The following TIAM1 variants were observed in gnomAD, a reference collection of about 807,000 sequenced individuals.
The protein encoded by TIAM1 is TIAM Rac1 associated GEF 1.
In TIAM1, 65 loss-of-function variants were observed where a neutral mutation model predicts 163.5. The ratio of observed to expected loss-of-function variants is 0.40; its 90% confidence interval spans 0.33 to 0.49. The LOEUF is 0.49. TIAM1 is among the 20% of genes least tolerant of loss of function. The pLI is 0.77. For synonymous variants in TIAM1, 833 were observed against 810.1 expected, an observed-to-expected ratio of 1.03 and a Z score of -0.48; for missense variants, 1,789 against 2,044.7, an observed-to-expected ratio of 0.87 and a Z score of 2.41.
intron 2 of TIAM1, among the ~76,000 whole-genome samples, chr21:31,374,237 G>A (rs576671150): frequency 6.6e-6 from 1 of 152,214 alleles, no homozygotes; most frequent in Non-Finnish European, 1.5e-5. Context: ...GCAGCGGGCA[G>A]GGGGCGATCC....
chr21:31,340,502 C>T (rs1331278431), intron 1 of TIAM1, among the ~76,000 whole-genome samples: 2 of 152,152 alleles, frequency 1.3e-5, no homozygotes, highest in Admixed American at 6.5e-5. Context: ...TCACCAGCAT[C>T]GTCTATCTTC....
At chr21:31,146,117 A>G (rs1184845872) in intron 20 of TIAM1, among the ~76,000 whole-genome samples, 1 of 152,178 alleles carries the variant, frequency 6.6e-6, no homozygotes, top group Non-Finnish European at 1.5e-5. Flanking sequence ...CCAAATAGCA[A>G]GGTAAAACTT....
intron 16 of TIAM1, among the ~76,000 whole-genome samples, chr21:31,161,617 A>G (rs1488441301): frequency 6.6e-6 from 1 of 152,234 alleles, no homozygotes; most frequent in South Asian, 2.1e-4. Context: ...ATGCTGACCG[A>G]TATCATGTAA....
chr21:31,234,490 C>G (rs914244200), intron 6 of TIAM1, among the ~76,000 whole-genome samples: 1 of 152,000 alleles, frequency 6.6e-6, no homozygotes, highest in Non-Finnish European at 1.5e-5. Context: ...TATGAAGGAT[C>G]AGAACACCAG....
chr21:31,425,502 T>C (rs2043751121), intron 2 of TIAM1, among the ~76,000 whole-genome samples: 1 of 152,122 alleles, frequency 6.6e-6, no homozygotes, highest in Admixed American at 6.5e-5. Context: ...ACTAGGGATC[T>C]TGAGATTCTG....
At chr21:31,378,066 G>A (rs1043958248) in intron 2 of TIAM1, among the ~76,000 whole-genome samples, 2 of 150,628 alleles carry the variant, frequency 1.3e-5, no homozygotes, top group Non-Finnish European at 2.9e-5. Context: ...AACCTGGGAG[G>A]TGGAGGTTGC....
At chr21:31,449,337 C>T (rs1460943727) in intron 2 of TIAM1, among the ~76,000 whole-genome samples, 1 of 151,736 alleles carries the variant, frequency 6.6e-6, no homozygotes, top group Non-Finnish European at 1.5e-5. Context: ...ATACTAGGTG[C>T]TCAAAAAAAC....
chr21:31,421,874 T>TA (rs910795629), intron 2 of TIAM1, among the ~76,000 whole-genome samples: 1 of 152,048 alleles, frequency 6.6e-6, no homozygotes, highest in African/African-American at 2.4e-5. Context: ...CCAGTACTCC[T>TA]AGCTACTCGC....
chr21:31,273,695 C>T (rs2073167793), intron 3 of TIAM1, among the ~76,000 whole-genome samples: 1 of 152,172 alleles, frequency 6.6e-6, no homozygotes, highest in African/African-American at 2.4e-5. Flanking sequence ...AAAATGCCCA[C>T]AATGCATTCC....
intron 4 of TIAM1, among the ~76,000 whole-genome samples, chr21:31,258,484 G>A (rs759152123): frequency 3.3e-5 from 5 of 152,232 alleles, no homozygotes; most frequent in Non-Finnish European, 5.9e-5. Flanking sequence ...GGATGCAATC[G>A]GAGTTCACTT....
upstream of TIAM1, chr21:31,344,327 TCCTCCTCCCACCATCACCTC>T (rs547605663): frequency 3.3e-5 from 5 of 152,168 alleles, no homozygotes; most frequent in East Asian, 7.7e-4. Context: ...GCTCCTCCCT[TCCTCCTCCCACCATCACCTC>T]CCTCCTCTCC....
chr21:31,123,776 T>C (rs1228937770), intron 27 of TIAM1, among the ~76,000 whole-genome samples: 1 of 152,204 alleles, frequency 6.6e-6, no homozygotes, highest in Non-Finnish European at 1.5e-5. Context: ...CTTGATGTCA[T>C]TAAGTCCCTA....
chr21:31,483,029 A>G (rs1480213660), intron 1 of TIAM1, among the ~76,000 whole-genome samples: 1 of 152,224 alleles, frequency 6.6e-6, no homozygotes, highest in Non-Finnish European at 1.5e-5. Flanking sequence ...CACAGCTGGT[A>G]AATGAAGGAC....
intron 1 of TIAM1, among the ~76,000 whole-genome samples, chr21:31,497,345 A>G (rs2046698397): frequency 6.6e-6 from 1 of 152,240 alleles, no homozygotes; most frequent in Admixed American, 6.5e-5. Flanking sequence ...TAATATCAAA[A>G]CAAATAGTTA....
intron 2 of TIAM1, among the ~76,000 whole-genome samples, chr21:31,424,352 T>C (rs991035315): frequency 6.6e-6 from 1 of 152,190 alleles, no homozygotes; most frequent in East Asian, 1.9e-4. Flanking sequence ...ATCACAGCTA[T>C]TCACAGAAGA....
At position 31,394,728 on chromosome 21, in the gene TIAM1, T is replaced by TCTCTCTCTCTCTCTCTCA. The variant is rs1279053911; in HGVS notation, c.-368-55307_-368-55306insTGAGAGAGAGAGAGAGAG. Among the ~76,000 whole-genome samples the TCTCTCTCTCTCTCTCTCA allele has an allele frequency of 1.4e-4, 13 of 95,724 alleles. 1 individual carries two copies. The highest frequency in any genetic ancestry group is 5.7e-4 in the Admixed American group (5 of 8,836). The allele number at this position is 95,724 out of a possible 152,430, so 62.8% of individuals were successfully genotyped here. A position where few individuals can be genotyped will look rare whatever the true frequency, so the allele number is the denominator to read the frequency against. On this transcript the variant is annotated intron_variant, in intron 2 of 28. Transcript: ENST00000286827. ...CTCTCGCTCTCTCTCTCTCTCTCTC[T>TCTCTCTCTCTCTCTCTCA]CACACACACACACACACACACACAC...
At chr21:31,258,103 T>G (rs2072228560) in intron 4 of TIAM1, among the ~76,000 whole-genome samples, 1 of 151,908 alleles carries the variant, frequency 6.6e-6, no homozygotes, top group Non-Finnish European at 1.5e-5. Context: ...TGCCCTGTCT[T>G]TCTTCCACAG....
intron 2 of TIAM1, among the ~76,000 whole-genome samples, chr21:31,445,014 C>CA (rs11373704): frequency 1 from 151,993 of 151,998 alleles, 75,994 homozygotes; most frequent in Middle Eastern, 1. Context: ...AAAAGGAAAA[C>CA]AAAGAACAGA....
chr21:31,163,404 T>G (rs2084029328), intron 16 of TIAM1, among the ~76,000 whole-genome samples: 1 of 152,190 alleles, frequency 6.6e-6, no homozygotes, highest in African/African-American at 2.4e-5. Flanking sequence ...TAAATTTGCC[T>G]TAAAAGGAAA....
Sources: gnomAD v4.1 joint callset for allele counts (sites outside exome capture counted in the v4.1 genomes callset) on GRCh38, gnomAD v4.1.1 for gene constraint, MANE v1.5 for transcripts, NCBI Gene and HGNC (gene_info 2026-07-23, HGNC 2026-07-21) for gene names.